The following RNF220 variants were observed in gnomAD, a reference collection of about 807,000 sequenced individuals.
The protein encoded by RNF220 is ring finger protein 220.
RNF220 carries 7 observed loss-of-function variants against 67.1 expected under a neutral mutation model. The ratio of observed to expected loss-of-function variants is 0.10; its 90% CI spans 0.06 to 0.20. The LOEUF is 0.20. Ranked by LOEUF, RNF220 falls within the 10% of genes least tolerant of loss-of-function variation. RNF220 has a pLI of 1.00. For synonymous variants in RNF220, 270 were observed against 283.2 expected, an observed-to-expected ratio of 0.95 and a Z score of 0.47; for missense variants, 565 against 740.3, an observed-to-expected ratio of 0.76 and a Z score of 2.75.
Position 44,550,505 on chromosome 1 carries a change from C to T in RNF220, c.626-63660C>T, listed in dbSNP as rs74909901. On this transcript the variant is annotated intron_variant, in intron 2 of 14. Transcript: ENST00000361799. ...TCCCCTAGGTGCATGGGAGAATCTG[C>T]GGCCCTCTCAACAGTGATGGGCTGA... 5.1e-3 allele frequency among the ~76,000 whole-genome samples: 780 copies of T among 152,222 alleles called. 5 individuals carry two copies. Among genetic ancestry groups the T allele is most frequent in the African/African-American group, 0.018 (740 of 41,528 alleles).
intron 2 of RNF220, among the ~76,000 whole-genome samples, chr1:44,414,334 G>A (rs974945475): frequency 2.0e-5 from 3 of 152,140 alleles, no homozygotes; most frequent in African/African-American, 7.2e-5. Flanking sequence ...GACAGATTCC[G>A]CCCCTTTTTT....
At chr1:44,455,832 C>T (rs1653120541) in intron 2 of RNF220, among the ~76,000 whole-genome samples, 1 of 152,168 alleles carries the variant, frequency 6.6e-6, no homozygotes, top group African/African-American at 2.4e-5. Flanking sequence ...TCAAGGGTGA[C>T]CTTCTGAGTT....
At chr1:44,564,769 AG>A (rs1208541342) in intron 2 of RNF220, among the ~76,000 whole-genome samples, 2 of 151,274 alleles carry the variant, frequency 1.3e-5, no homozygotes, top group Non-Finnish European at 3.0e-5. Flanking sequence ...AAAAAAAAAA[AG>A]AACCACTATT....
intron 3 of RNF220, among the ~76,000 whole-genome samples, chr1:44,620,116 ATCCTAAG>A (rs1304992313): frequency 5.3e-5 from 8 of 152,180 alleles, no homozygotes; most frequent in Non-Finnish European, 7.3e-5. Flanking sequence ...TCTGCCCTCT[ATCCTAAG>A]CCCTGAGTGT....
At chr1:44,445,651 C>T (rs1231534437) in intron 2 of RNF220, among the ~76,000 whole-genome samples, 1 of 152,212 alleles carries the variant, frequency 6.6e-6, no homozygotes. Context: ...ACCTGCACAT[C>T]TTCTGAAACT....
At chr1:44,547,558 T>C (rs1003187051) in intron 2 of RNF220, among the ~76,000 whole-genome samples, 1 of 152,048 alleles carries the variant, frequency 6.6e-6, no homozygotes, top group Non-Finnish European at 1.5e-5. Context: ...TAAATAAAAG[T>C]AGGTGTTTCC....
At position 44,606,991 on chromosome 1, in the gene RNF220, C is replaced by T. The variant is rs1667313669; in HGVS notation, c.626-7174C>T. Reference sequence around the variant, plus strand: ...TTCCTTACCAAGCTTGCTGCTCCTCCTCCCATTCCATAAATCAGTCAATGT... The same window carrying T: ...TTCCTTACCAAGCTTGCTGCTCCTCTTCCCATTCCATAAATCAGTCAATGT... On this transcript the variant is annotated intron_variant, in intron 2 of 14. Transcript: ENST00000361799. This position sits in a 1 kb window ranked among gnomAD's most constrained non-coding sequence, Gnocchi z 4.2. Among the ~76,000 whole-genome samples the T allele has an allele frequency of 6.6e-6, 1 of 152,200 alleles. No individual in the cohort carries two copies. The highest frequency in any genetic ancestry group is 2.4e-5 in the African/African-American group (1 of 41,446).
At chr1:44,537,254 A>G (rs1275396710) in intron 2 of RNF220, among the ~76,000 whole-genome samples, 1 of 152,164 alleles carries the variant, frequency 6.6e-6, no homozygotes, top group East Asian at 1.9e-4. Flanking sequence ...GATAGAGTTC[A>G]CTAGGTCTTT....
chr1:44,447,211 A>C (rs529550763), intron 2 of RNF220, among the ~76,000 whole-genome samples: 5 of 152,226 alleles, frequency 3.3e-5, no homozygotes, highest in Admixed American at 6.5e-5. Flanking sequence ...TAGGAAGAAG[A>C]GAGGCTTTGG....
rs568415677 is a variant in RNF220 at position 44,618,166 on chromosome 1, AG to A, written c.758+3871del. 1.2e-4 allele frequency among the ~76,000 whole-genome samples: 19 copies of A among 152,322 alleles called. No individual in the cohort carries two copies. In the East Asian group the frequency reaches 3.7e-3, roughly 29 times the overall value. On this transcript the variant is annotated intron_variant, in intron 3 of 14. Transcript: ENST00000361799. ...CCAACAGCACAAAGCACACCCCACT[AG>A]GAGCAGGCTGCTATTTCAGACACAC...
intron 2 of RNF220, among the ~76,000 whole-genome samples, chr1:44,452,834 T>A (rs1203539345): frequency 1.3e-5 from 2 of 152,204 alleles, no homozygotes; most frequent in Admixed American, 6.5e-5. Flanking sequence ...ATACTTTTCT[T>A]GACTGCTTTT....
intron 2 of RNF220, among the ~76,000 whole-genome samples, chr1:44,449,923 A>T (rs1230182029): frequency 6.6e-6 from 1 of 151,994 alleles, no homozygotes; most frequent in Non-Finnish European, 1.5e-5. Flanking sequence ...AAAAAGAAAA[A>T]TTTCTGAGCT....
chr1:44,574,086 A>G (rs1226405567), intron 2 of RNF220, among the ~76,000 whole-genome samples: 3 of 152,272 alleles, frequency 2.0e-5, no homozygotes, highest in Non-Finnish European at 2.9e-5. Flanking sequence ...AGCCTGAGCA[A>G]CAGAGTGAGA....
At chr1:44,534,377 G>T (rs1661048540) in intron 2 of RNF220, among the ~76,000 whole-genome samples, 1 of 151,852 alleles carries the variant, frequency 6.6e-6, no homozygotes, top group African/African-American at 2.4e-5. Flanking sequence ...ACAGTGTGCA[G>T]GTTTGTTACA....
At chr1:44,409,303 CCAGA>C (rs1323808753) in intron 1 of RNF220, among the ~76,000 whole-genome samples, 2 of 152,338 alleles carry the variant, frequency 1.3e-5, no homozygotes, top group East Asian at 1.9e-4. Flanking sequence ...TCACTGCCTG[CCAGA>C]CAATTTATTT....
rs1553236436 is a variant in RNF220 at position 44,520,128 on chromosome 1, T to TGAGAGAGAGA, written c.626-94028_626-94019dup. On this transcript the variant is annotated intron_variant, in intron 2 of 14. Transcript: ENST00000361799. Reference sequence around the variant, plus strand: ...GTGTGTGTGTGTGTGTGTGTGTGTGTGAGAGAGAGAGAGAGAGAAAGAGAG... The same window carrying TGAGAGAGAGA: ...GTGTGTGTGTGTGTGTGTGTGTGTGTGAGAGAGAGAGAGAGAGAGAGAGAGAGAAAGAGAG... 4.9e-4 allele frequency among the ~76,000 whole-genome samples: 56 copies of TGAGAGAGAGA among 113,450 alleles called. 1 individual carries two copies. The highest frequency in any genetic ancestry group is 1.7e-3 in the African/African-American group (53 of 31,148). 74.4% of individuals were successfully genotyped at this position (113,450 alleles called of 152,430 possible). A position where few individuals can be genotyped will look rare whatever the true frequency, so the allele number is the denominator to read the frequency against.
rs756995280 is a variant in RNF220, at chr1:44,632,303, C to CTCTTT, written c.907-30_907-26dup. 9.9e-6 allele frequency: 16 copies of CTCTTT among 1,614,036 alleles called. No homozygotes were observed. In the East Asian group the frequency reaches 1.8e-4, roughly 18 times the overall value. ...AGGACTGCAGGCCGCGCCTGACGCT[C>CTCTTT]TCTTTTCTTTTCTTGCATCTGCCCG... On this transcript the variant is annotated intron_variant, in intron 5 of 14. Coordinates refer to ENST00000361799, the MANE Select transcript of RNF220 (RefSeq NM_018150.4).
intron 2 of RNF220, among the ~76,000 whole-genome samples, chr1:44,472,798 A>G (rs903325476): frequency 6.6e-6 from 1 of 152,172 alleles, no homozygotes; most frequent in Non-Finnish European, 1.5e-5. Context: ...AGTCTGCAAC[A>G]ATAGAGGATG....
At chr1:44,579,170 G>A (rs1363669689) in intron 2 of RNF220, among the ~76,000 whole-genome samples, 2 of 150,602 alleles carry the variant, frequency 1.3e-5, no homozygotes, top group African/African-American at 4.9e-5. Flanking sequence ...AAAAAAAAAA[G>A]AAAAAGAAAG....
Sources: allele counts gnomAD v4.1 joint callset (sites outside exome capture counted in the v4.1 genomes callset), GRCh38; gene constraint gnomAD v4.1.1; non-coding constraint Gnocchi (gnomAD v3.1); transcripts MANE v1.5; gene names NCBI Gene and HGNC (gene_info 2026-07-23, HGNC 2026-07-21).